Variants in RBMS3 observed in about 807,000 individuals in gnomAD.
RBMS3 encodes the protein RNA binding motif single stranded interacting protein 3.
Under a neutral mutation model 66.8 loss-of-function variants are expected in RBMS3, and 27 were observed. The ratio of observed to expected loss-of-function variants is 0.40; its 90% confidence interval spans 0.30 to 0.56. RBMS3 has a LOEUF of 0.56. Ranked by LOEUF, RBMS3 falls within the 20% of genes least tolerant of loss-of-function variation. RBMS3 has a pLI of 0.40. For missense variants in RBMS3, 513 were observed against 549.5 expected (o/e 0.93, Z 0.66); for synonymous variants, 188 against 183.0 (o/e 1.03, Z -0.22).
chr3:29,520,245 A>T (rs969582981), intron 3 of RBMS3, among the ~76,000 whole-genome samples: 3 of 152,302 alleles, frequency 2.0e-5, no homozygotes, highest in African/African-American at 7.2e-5. Context: ...ACCTACTATT[A>T]AAAAGCGTGC....
At chr3:29,749,204 G>A (rs2055065868) in intron 5 of RBMS3, among the ~76,000 whole-genome samples, 1 of 152,160 alleles carries the variant, frequency 6.6e-6, no homozygotes, top group African/African-American at 2.4e-5. Flanking sequence ...GTCCTTTAGA[G>A]ACTCATAGAT....
At chr3:29,717,176 C>T (rs1165785283) in intron 4 of RBMS3, among the ~76,000 whole-genome samples, 1 of 151,976 alleles carries the variant, frequency 6.6e-6, no homozygotes, top group East Asian at 1.9e-4. Flanking sequence ...ATAATACCTA[C>T]ATTAGGGGCT....
chr3:29,453,911 A>C (rs1199574541), intron 2 of RBMS3, among the ~76,000 whole-genome samples: 1 of 152,194 alleles, frequency 6.6e-6, no homozygotes, highest in Non-Finnish European at 1.5e-5. Context: ...CTGGTGAGCA[A>C]ACTTGTCAGA....
At chr3:29,452,465 A>C (rs2042047700) in intron 2 of RBMS3, among the ~76,000 whole-genome samples, 1 of 152,180 alleles carries the variant, frequency 6.6e-6, no homozygotes, top group South Asian at 2.1e-4. Context: ...TACCAAAAGC[A>C]AGGTTTCTTG....
intron 6 of RBMS3, among the ~76,000 whole-genome samples, chr3:29,779,271 ATG>A (rs202225496): frequency 2.0e-5 from 3 of 150,776 alleles, no homozygotes; most frequent in Non-Finnish European, 4.4e-5. Flanking sequence ...GTTCTTTTGT[ATG>A]TGTGTGTGTG....
At chr3:29,681,409 T>C (rs1385295006) in intron 4 of RBMS3, among the ~76,000 whole-genome samples, 1 of 152,142 alleles carries the variant, frequency 6.6e-6, no homozygotes, top group Admixed American at 6.6e-5. Flanking sequence ...CGTAGGTAAA[T>C]GTGTGCTCTG....
chr3:29,819,297 C>G (rs1014689738), intron 6 of RBMS3, among the ~76,000 whole-genome samples: 10 of 152,136 alleles, frequency 6.6e-5, no homozygotes, highest in African/African-American at 2.2e-4. Flanking sequence ...GTCATAACCT[C>G]TCTATGACAG....
chr3:29,739,757 A>G lies in RBMS3; in HGVS notation c.437A>G (p.Asn146Ser). The change falls in exon 5 of 15, where the codon AAT becomes AGT. Residue 146 changes from asparagine to serine, a missense_variant. Transcript: ENST00000383767. ...GACCCAACAAACCTATACATCTCAA[A>G]TCTCCCCATTTCTATGGATGAGCAG... ...EQDPTNLYIS[N>S]LPISMDEQEL... is the part of the protein sequence containing the mutation. The G allele has an allele frequency of 6.2e-7, 1 of 1,612,072 alleles. No homozygotes were observed. The highest frequency in any genetic ancestry group is 8.5e-7 in the Non-Finnish European group (1 of 1,179,168).
intron 3 of RBMS3, among the ~76,000 whole-genome samples, chr3:29,514,670 TATATATATATGATAGGCATAC>T (rs1487871093): frequency 2.1e-5 from 3 of 144,530 alleles, no homozygotes; most frequent in East Asian, 4.0e-4. Flanking sequence ...TATATATATA[TATATATATATGATAGGCATAC>T]ATATATATGA....
intron 4 of RBMS3, among the ~76,000 whole-genome samples, chr3:29,702,835 G>T (rs1015090105): frequency 9.2e-5 from 14 of 152,164 alleles, no homozygotes; most frequent in Non-Finnish European, 1.9e-4. Context: ...ACAAACTCTG[G>T]ACACACCACC....
intron 3 of RBMS3, among the ~76,000 whole-genome samples, chr3:29,491,130 A>G (rs938619122): frequency 2.6e-5 from 4 of 152,218 alleles, no homozygotes; most frequent in Non-Finnish European, 4.4e-5. Context: ...AGAAAAAGGG[A>G]TGTAACTAAA....
At chr3:29,727,516 GA>G (rs1231754561) in intron 4 of RBMS3, among the ~76,000 whole-genome samples, 1 of 151,588 alleles carries the variant, frequency 6.6e-6, no homozygotes, top group Non-Finnish European at 1.5e-5. Context: ...AAATTTACAA[GA>G]AAAAAACAAC....
intron 1 of RBMS3, among the ~76,000 whole-genome samples, chr3:29,388,084 GAC>G (rs55679426): frequency 0.011 from 1,634 of 146,856 alleles, 13 homozygotes; most frequent in African/African-American, 0.025. Context: ...CACACACACA[GAC>G]ACACACACAC....
rs570212525 is a variant in RBMS3 at position 29,769,024 on chromosome 3, A to ACC, written c.637+6035_637+6036insCC. Among the ~76,000 whole-genome samples the ACC allele has an allele frequency of 4.3e-3, 652 of 152,080 alleles. 5 individuals are homozygous for ACC. The highest frequency in any genetic ancestry group is 0.015 in the African/African-American group (606 of 41,538). ...TATAAAGGAAGGTATTCACTTCACT[A>ACC]AAATAGTAAAGTGAATTTCATGGCC... On this transcript the variant is annotated intron_variant, in intron 6 of 14. Coordinates refer to ENST00000383767, the MANE Select transcript of RBMS3 (RefSeq NM_001003793.3).
intron 1 of RBMS3, among the ~76,000 whole-genome samples, chr3:29,381,891 A>G (rs2038778009): frequency 6.6e-6 from 1 of 152,150 alleles, no homozygotes; most frequent in East Asian, 1.9e-4. Flanking sequence ...TCCTTTCCTG[A>G]AAGAAAACAG....
intron 1 of RBMS3, among the ~76,000 whole-genome samples, chr3:29,309,523 G>T (rs1363947842): frequency 1.3e-5 from 2 of 151,516 alleles, no homozygotes; most frequent in African/African-American, 4.8e-5. Context: ...GTATTTGGCA[G>T]TGATCATCAC....
intron 3 of RBMS3, among the ~76,000 whole-genome samples, chr3:29,512,909 G>T (rs1024277178): frequency 1.3e-5 from 2 of 152,172 alleles, no homozygotes; most frequent in African/African-American, 4.8e-5. Flanking sequence ...GGATATATTT[G>T]GAAAGCGCTG....
At chr3:29,564,483 AT>A (rs1417402638) in intron 3 of RBMS3, among the ~76,000 whole-genome samples, 7 of 143,738 alleles carry the variant, frequency 4.9e-5, no homozygotes, top group Admixed American at 2.1e-4. Context: ...CAAAAAGTTC[AT>A]TAAAAAAAAA....
intron 2 of RBMS3, among the ~76,000 whole-genome samples, chr3:29,445,446 G>A (rs1264874416): frequency 1.3e-5 from 2 of 151,640 alleles, no homozygotes; most frequent in African/African-American, 2.4e-5. Context: ...TGCCTGAGCC[G>A]TCAGGTTTCA....
Sources: allele counts gnomAD v4.1 joint callset (sites outside exome capture counted in the v4.1 genomes callset), GRCh38; gene constraint gnomAD v4.1.1; transcripts MANE v1.5; gene names NCBI Gene and HGNC (gene_info 2026-07-23, HGNC 2026-07-21).